Variants in TPX2 observed in about 807,000 individuals in gnomAD.
TPX2 encodes the protein TPX2 microtubule nucleation factor.
In TPX2, 21 loss-of-function variants were observed where a neutral mutation model predicts 93.6. That is an observed-to-expected ratio of 0.22 (90% CI 0.16 to 0.32). TPX2 has a LOEUF of 0.32. Ranked by LOEUF, TPX2 falls within the 10% of genes least tolerant of loss-of-function variation. The pLI, the probability that TPX2 is intolerant of heterozygous loss-of-function variation, is 1.00. For synonymous variants in TPX2, 281 were observed against 298.3 expected (o/e 0.94, Z 0.60); for missense variants, 776 against 871.1 (o/e 0.89, Z 1.37).
intron 1 of TPX2, among the ~76,000 whole-genome samples, chr20:31,741,747 G>A (rs1231825059): frequency 1.3e-5 from 2 of 152,132 alleles, no homozygotes; most frequent in Admixed American, 6.5e-5. Flanking sequence ...CCAAAGTGCT[G>A]GGATTACAGG....
At chr20:31,741,018 A>C (rs2061750291) in intron 1 of TPX2, among the ~76,000 whole-genome samples, 1 of 152,250 alleles carries the variant, frequency 6.6e-6, no homozygotes. Flanking sequence ...AACCTTATGC[A>C]TAAATCTGTG....
chr20:31,760,079 T>A lies in TPX2; in HGVS notation c.129T>A (p.Asn43Lys), dbSNP rs1327514198. Residue 43 changes from asparagine (N) to lysine (K), a missense_variant, in exon 4 of 18, where the codon AAT (asparagine) becomes AAA (lysine). Coordinates refer to ENST00000300403, the MANE Select transcript of TPX2 (RefSeq NM_012112.5). ...CAGAGGAGAAGGCCAATTTGGAGAA[T>A]AAGTTACTGGGGAAGAATGGAACTG... Reference protein sequence around the residue: ...SWFEEKANLENKLLGKNGTGG... With the variant: ...SWFEEKANLEKKLLGKNGTGG... 2.5e-6 allele frequency: 4 copies of A among 1,613,708 alleles called. No individual in the cohort carries two copies. In the African/African-American group the frequency reaches 5.3e-5, roughly 22 times the overall value.
chr20:31,756,769 G>A (rs979365409), intron 2 of TPX2, among the ~76,000 whole-genome samples: 2 of 151,732 alleles, frequency 1.3e-5, no homozygotes. Context: ...AATTACAGGC[G>A]CCTGCCACCA....
intron 2 of TPX2, among the ~76,000 whole-genome samples, chr20:31,748,561 G>A (rs184018020): frequency 6.6e-6 from 1 of 152,242 alleles, no homozygotes; most frequent in Admixed American, 6.6e-5. Flanking sequence ...TTCATAAAGG[G>A]CAGGATTTGT....
In TPX2 at chr20:31,793,861, C is replaced by T. The variant is rs531472784; in HGVS notation, c.1523C>T (p.Pro508Leu). 3.5e-5 allele frequency: 56 copies of T among 1,599,706 alleles called. No individual in the cohort carries two copies. The highest frequency in any genetic ancestry group is 1.7e-4 in the Middle Eastern group (1 of 5,996). The change falls in exon 14 of 18, where the codon CCG becomes CTG. Residue 508 changes from proline to leucine, a missense_variant. By Grantham distance (98) the Pro-to-Leu change is moderately conservative. Transcript: ENST00000300403. ...TTTTTTCCCTAGGAAGAGGACGAAC[C>T]GGTAGTGATAAAAGCTCAACCTGTG... ...PTKEDEEEDE[P>L]VVIKAQPVPH...
At chr20:31,784,517 A>G (rs142187991) in intron 12 of TPX2, among the ~76,000 whole-genome samples, 2 of 152,272 alleles carry the variant, frequency 1.3e-5, no homozygotes, top group Non-Finnish European at 2.9e-5. Flanking sequence ...TGATCCTAAT[A>G]CCTCATTATA....
At chr20:31,777,344 A>G in intron 8 of TPX2, 143 bp from the exon 9 acceptor site, 1 of 866,608 alleles carries the variant, frequency 1.2e-6, no homozygotes, top group Non-Finnish European at 1.7e-6. Context: ...CCTGAGGACT[A>G]CTTCAAGTTT....
intron 12 of TPX2, among the ~76,000 whole-genome samples, chr20:31,786,923 C>T (rs1012980077): frequency 6.6e-6 from 1 of 152,046 alleles, no homozygotes; most frequent in Non-Finnish European, 1.5e-5. Flanking sequence ...ATACGATTTG[C>T]GGAATGGAAG....
At chr20:31,773,038 G>A (rs144998231) in intron 7 of TPX2, among the ~76,000 whole-genome samples, 2,502 of 145,272 alleles carry the variant, frequency 0.017, 75 homozygotes, top group African/African-American at 0.06. Context: ...GTACAGTGGC[G>A]CAATCTTGGC....
At chr20:31,752,673 C>T (rs997055991) in intron 2 of TPX2, among the ~76,000 whole-genome samples, 3 of 151,850 alleles carry the variant, frequency 2.0e-5, no homozygotes, top group Non-Finnish European at 2.9e-5. Flanking sequence ...GATGCGGTGG[C>T]GTGATCTCGG....
intron 16 of TPX2, 146 bp downstream of exon 16, chr20:31,797,661 G>GT (rs1235689360): frequency 4.3e-6 from 3 of 690,390 alleles, no homozygotes; most frequent in Admixed American, 3.2e-5. Flanking sequence ...CCTAGACCCA[G>GT]TTTTTTGCCT....
rs201793022 is a variant in TPX2, at chr20:31,766,677, T to G, written c.351T>G (p.Pro117=). The G allele has an allele frequency of 6.2e-6, 10 of 1,612,726 alleles. No homozygotes were observed. The East Asian group carries it at 2.2e-4, about 36-fold the overall frequency. Residue 117 remains proline (P), a synonymous_variant, in exon 5 of 18, where the codon CCT becomes CCG. Coordinates refer to ENST00000300403, the MANE Select transcript of TPX2 (RefSeq NM_012112.5). ...AAISRKTPAQ[P]QRRSLRLSAQ... ...TATCAAGAAAAACTCCAGCCCAGCC[T>G]CAGAGGTAAGACTTTGGAATCTCAA...
chr20:31,771,762 C>G, intron 7 of TPX2, 80 bp downstream of exon 7: 6 of 1,507,476 alleles, frequency 4.0e-6, no homozygotes, highest in Non-Finnish European at 4.4e-6. Flanking sequence ...GTTTGGTGTA[C>G]CTGGAGGTTG....
intron 15 of TPX2, among the ~76,000 whole-genome samples, 173 bp from the exon 16 acceptor site, chr20:31,797,231 T>C (rs1333595230): frequency 6.6e-6 from 1 of 152,252 alleles, no homozygotes; most frequent in Non-Finnish European, 1.5e-5. Context: ...AGTTCAAATG[T>C]TGTCAGACTG....
intron 1 of TPX2, among the ~76,000 whole-genome samples, chr20:31,740,097 T>A (rs754098509): frequency 4.6e-5 from 7 of 152,172 alleles, no homozygotes; most frequent in Non-Finnish European, 1.0e-4. Flanking sequence ...ATTTATAGAT[T>A]GGAGGGGGGA....
chr20:31,747,282 C>T (rs762216553), intron 2 of TPX2, among the ~76,000 whole-genome samples: 18 of 151,958 alleles, frequency 1.2e-4, no homozygotes, highest in Non-Finnish European at 2.2e-4. Flanking sequence ...CCACCACGCC[C>T]GCTAATTTTT....
At position 31,771,540 on chromosome 20, in the gene TPX2, TTTGTCCTTTTGAACTCAAG is replaced by T; in HGVS notation, c.486-17_487del. On this transcript the variant is annotated splice_acceptor_variant and splice_polypyrimidine_tract_variant and intron_variant, in intron 6 of 17. Coordinates refer to ENST00000300403, the MANE Select transcript of TPX2 (RefSeq NM_012112.5). LOFTEE classifies it high-confidence loss of function. ...GCTTCAGGGAATTGAAAACATATTT[TTTGTCCTTTTGAACTCAAG>T]TTCTAACAACAAAAAGAAGCCAGAG... is the stretch of plus-strand genomic sequence containing the variant. The T allele has an allele frequency of 6.2e-7, 1 of 1,608,020 alleles. No homozygotes were observed. The highest frequency in any genetic ancestry group is 8.5e-7 in the Non-Finnish European group (1 of 1,178,224).
chr20:31,746,013 GAA>G (rs2061781883), intron 2 of TPX2, among the ~76,000 whole-genome samples: 1 of 152,212 alleles, frequency 6.6e-6, no homozygotes, highest in African/African-American at 2.4e-5. Context: ...GTTTGGGAGA[GAA>G]ATGATAGGAA....
chr20:31,766,935 G>A (rs2061931561), intron 5 of TPX2, among the ~76,000 whole-genome samples: 1 of 151,456 alleles, frequency 6.6e-6, no homozygotes, highest in South Asian at 2.1e-4. Context: ...CTGAGTAGCT[G>A]GGATTATAGG....
Sources: gnomAD v4.1 joint callset for allele counts (sites outside exome capture counted in the v4.1 genomes callset) on GRCh38, gnomAD v4.1.1 for gene constraint, MANE v1.5 for transcripts, NCBI Gene and HGNC (gene_info 2026-07-23, HGNC 2026-07-21) for gene names.